The following AGPS variants were observed in gnomAD, a reference collection of about 807,000 sequenced individuals.
The protein encoded by AGPS is alkyldihydroxyacetonephosphate synthase, peroxisomal.
A neutral mutation model predicts 90.7 loss-of-function variants in AGPS; 26 were observed. That is an observed-to-expected ratio of 0.29 (90% CI 0.21 to 0.40). The LOEUF is 0.40. Among genes scored for constraint, AGPS ranks in the 10% least tolerant of loss-of-function variants. The pLI is 1.00. For missense variants in AGPS, 540 were observed against 816.1 expected, an observed-to-expected ratio of 0.66 and a Z score of 4.12; for synonymous variants, 294 against 285.3, an observed-to-expected ratio of 1.03 and a Z score of -0.31.
At chr2:177,530,790 G>T (rs2079130897) in intron 19 of AGPS, among the ~76,000 whole-genome samples, 1 of 152,152 alleles carries the variant, frequency 6.6e-6, no homozygotes, top group Non-Finnish European at 1.5e-5. Context: ...GGAACTGGAG[G>T]CTATAGGAAA....
chr2:177,401,406 T>A (rs775839801), intron 1 of AGPS, among the ~76,000 whole-genome samples: 5 of 152,180 alleles, frequency 3.3e-5, no homozygotes, highest in Admixed American at 1.3e-4. Context: ...CTCATACATG[T>A]TTGTGTCATC....
At chr2:177,473,804 T>G (rs1687696180) in intron 10 of AGPS, among the ~76,000 whole-genome samples, 1 of 152,226 alleles carries the variant, frequency 6.6e-6, no homozygotes, top group South Asian at 2.1e-4. Context: ...ATTTTTATCT[T>G]ACACTGGGAC....
rs966648409 is a variant in AGPS at position 177,398,309 on chromosome 2, A to G, written c.260+5260A>G. ...CCTAGCTAGGAATTCTAGTGATAGTAGTAATAGGAGTTTTAATTGACTAAG... is the reference window on the plus strand; with the variant it reads ...CCTAGCTAGGAATTCTAGTGATAGTGGTAATAGGAGTTTTAATTGACTAAG... On this transcript the variant is annotated intron_variant, in intron 1 of 19. Transcript: ENST00000264167. Among the ~76,000 whole-genome samples, 22 of 152,208 alleles carry G rather than the reference A, an allele frequency of 1.4e-4. No homozygotes were observed. In the East Asian group the frequency reaches 3.7e-3, roughly 25 times the overall value.
At chr2:177,393,720 T>C (rs4893940) in intron 1 of AGPS, among the ~76,000 whole-genome samples, 131,098 of 151,882 alleles carry the variant, frequency 0.86, 56,787 homozygotes, top group East Asian at 0.95. Flanking sequence ...TTGTAAGAGA[T>C]CTTGACTTTC....
chr2:177,535,898 T>C (rs2079179684), intron 19 of AGPS, among the ~76,000 whole-genome samples: 1 of 151,950 alleles, frequency 6.6e-6, no homozygotes, highest in South Asian at 2.1e-4. Context: ...TTGGCCGTAC[T>C]GCCCTTTTTT....
chr2:177,443,994 G>A (rs545541315), intron 7 of AGPS, among the ~76,000 whole-genome samples: 121 of 151,642 alleles, frequency 8.0e-4, no homozygotes, highest in African/African-American at 2.9e-3. Context: ...CAGTCTGTTG[G>A]GGGAGAAGAT....
chr2:177,457,842 A>G (rs1426871445), intron 8 of AGPS, among the ~76,000 whole-genome samples: 1 of 152,246 alleles, frequency 6.6e-6, no homozygotes, highest in Non-Finnish European at 1.5e-5. Context: ...TTATGAGGCC[A>G]GCATCATCCT....
At chr2:177,520,545 A>T (rs1226191014) in intron 17 of AGPS, among the ~76,000 whole-genome samples, 1 of 152,148 alleles carries the variant, frequency 6.6e-6, no homozygotes, top group Non-Finnish European at 1.5e-5. Context: ...GGCAGTACAA[A>T]ATGTAGTTTT....
intron 19 of AGPS, among the ~76,000 whole-genome samples, chr2:177,524,632 CT>C (rs372384511): frequency 0.022 from 3,321 of 151,902 alleles, 82 homozygotes; most frequent in South Asian, 0.055. Context: ...TCCTTATATC[CT>C]TTTTTTTCCT....
intron 7 of AGPS, among the ~76,000 whole-genome samples, chr2:177,444,437 A>AAG (rs1553510558): frequency 4.7e-5 from 7 of 149,790 alleles, no homozygotes; most frequent in African/African-American, 1.7e-4. Flanking sequence ...AAAAAAAAAA[A>AAG]AAAGAAAGAA....
chr2:177,450,744 C>G (rs1686913824), intron 8 of AGPS, among the ~76,000 whole-genome samples: 1 of 151,562 alleles, frequency 6.6e-6, no homozygotes, highest in African/African-American at 2.4e-5. Context: ...ATATGAACTT[C>G]ATGTTCATAT....
At chr2:177,415,198 A>G (rs1685752599) in intron 1 of AGPS, among the ~76,000 whole-genome samples, 1 of 152,076 alleles carries the variant, frequency 6.6e-6, no homozygotes, top group African/African-American at 2.4e-5. Context: ...CACATTACTT[A>G]CCTGCTTCTC....
chr2:177,504,285 G>A (rs1377369085), intron 14 of AGPS, among the ~76,000 whole-genome samples: 1 of 145,638 alleles, frequency 6.9e-6, no homozygotes, highest in Non-Finnish European at 1.5e-5. Context: ...TGCCACAGCA[G>A]TTTTCTGACT....
intron 9 of AGPS, among the ~76,000 whole-genome samples, chr2:177,463,421 A>G (rs900802409): frequency 5.3e-5 from 8 of 152,232 alleles, no homozygotes; most frequent in African/African-American, 1.9e-4. Context: ...ATATTTTCAT[A>G]GTAGTTTAAA....
At chr2:177,464,711 C>T (rs1281013331) in intron 9 of AGPS, among the ~76,000 whole-genome samples, 1 of 152,236 alleles carries the variant, frequency 6.6e-6, no homozygotes, top group Admixed American at 6.5e-5. Flanking sequence ...ATTACACTTT[C>T]TTGTGCTAGT....
chr2:177,493,072 A>T, intron 11 of AGPS, 76 bp from the exon 12 acceptor site: 1 of 1,295,986 alleles, frequency 7.7e-7, no homozygotes, highest in Non-Finnish European at 1.1e-6. Context: ...ATATAGAAAG[A>T]TAATATTCAC....
At chr2:177,516,925 T>C (rs1257435849) in intron 17 of AGPS, among the ~76,000 whole-genome samples, 1 of 151,910 alleles carries the variant, frequency 6.6e-6, no homozygotes, top group African/African-American at 2.4e-5. Context: ...TCAAGGGATC[T>C]TTTTTTTATG....
In AGPS at chr2:177,505,083, TAAAC is replaced by T. The variant is rs200980542; in HGVS notation, c.1476-421_1476-418del. 4.0e-3 allele frequency among the ~76,000 whole-genome samples: 609 copies of T among 152,160 alleles called. 4 individuals are homozygous for T. Among genetic ancestry groups the T allele is most frequent in the East Asian group, 0.032 (165 of 5,186 alleles). ...CATTTAAATCATAAATTTCATAAAATAAACACCACATCTAACATTCCAAATACTA... is the reference window on the plus strand; with the variant it reads ...CATTTAAATCATAAATTTCATAAAATACCACATCTAACATTCCAAATACTA... On this transcript the variant is annotated intron_variant, in intron 14 of 19. Coordinates refer to ENST00000264167, the MANE Select transcript of AGPS (RefSeq NM_003659.4).
At position 177,462,073 on chromosome 2, in the gene AGPS, T is replaced by A. The variant is rs1343363801; in HGVS notation, c.996+55T>A. ...ATTGATTAGTATATAGATATTATTATAAAATGATTAGAAGCCTTTAAAAAT... is the reference window on the plus strand; with the variant it reads ...ATTGATTAGTATATAGATATTATTAAAAAATGATTAGAAGCCTTTAAAAAT... On this transcript the variant is annotated intron_variant, in intron 9 of 19. Coordinates refer to ENST00000264167, the MANE Select transcript of AGPS (RefSeq NM_003659.4). The A allele has an allele frequency of 1.4e-5, 20 of 1,407,920 alleles. No individual in the cohort carries two copies. The Admixed American group carries it at 3.9e-4, about 27-fold the overall frequency. The allele number at this position is 1,407,920 out of a possible 1,614,324, so 87.2% of individuals were successfully genotyped here. A position where few individuals can be genotyped will look rare whatever the true frequency, so the allele number is the denominator to read the frequency against.
Sources: gnomAD v4.1 joint callset for allele counts (sites outside exome capture counted in the v4.1 genomes callset) on GRCh38, gnomAD v4.1.1 for gene constraint, MANE v1.5 for transcripts, NCBI Gene and HGNC (gene_info 2026-07-23, HGNC 2026-07-21) for gene names.